FAM153A: variants seen among roughly 807,000 people sequenced by gnomAD.
The protein encoded by FAM153A is family with sequence similarity 153 member A, also known as protein FAM153A.
A neutral mutation model predicts 48.1 loss-of-function variants in FAM153A; 12 were observed. The observed-to-expected ratio is 0.25, with a 90% CI of 0.16 to 0.40. The LOEUF is 0.40. FAM153A is among the 10% of genes least tolerant of loss of function. FAM153A has a pLI of 1.00. For missense variants in FAM153A, 111 were observed against 345.8 expected, an observed-to-expected ratio of 0.32 and a Z score of 5.38; for synonymous variants, 36 against 118.2, an observed-to-expected ratio of 0.30 and a Z score of 4.51.
the FAM153A span, among the ~76,000 whole-genome samples, chr5:177,696,340 G>A: frequency 6.6e-5 from 10 of 150,830 alleles, no homozygotes; most frequent in Admixed American, 2.0e-4. Flanking sequence ...TCCCAGATGG[G>A]CGGCCGGGCA....
At chr5:177,706,093 T>G (rs191590629), downstream of FAM153A, among the ~76,000 whole-genome samples, 28 of 152,076 alleles carry the variant, frequency 1.8e-4, 1 homozygote, top group East Asian at 4.8e-3. Flanking sequence ...GTCAAAAGAC[T>G]TTTTTGTAGA....
At chr5:177,709,127 AAAAAAGAAAG>A (rs1758137986), downstream of FAM153A, among the ~76,000 whole-genome samples, 2 of 138,802 alleles carry the variant, frequency 1.4e-5, no homozygotes, top group African/African-American at 5.9e-5. Flanking sequence ...AAAAAAAAAA[AAAAAAGAAAG>A]AAAAGCCTAG....
At chr5:177,695,374 G>A in the FAM153A span, among the ~76,000 whole-genome samples, 1 of 148,960 alleles carries the variant, frequency 6.7e-6, no homozygotes, top group East Asian at 1.9e-4. Flanking sequence ...GTGAACAAAG[G>A]TCTCTGGTTT....
chr5:177,717,498 G>A (rs1233775227), downstream of FAM153A, among the ~76,000 whole-genome samples: 2 of 151,188 alleles, frequency 1.3e-5, no homozygotes, highest in Admixed American at 1.3e-4. Flanking sequence ...AAACCAGCTC[G>A]TGAAGGTTGC....
At chr5:177,754,334 C>T (rs1482248507), upstream of FAM153A, among the ~76,000 whole-genome samples, 1 of 151,532 alleles carries the variant, frequency 6.6e-6, no homozygotes. Context: ...AACAAAGTGG[C>T]TGGGAAGCTC....
intron 1 of FAM153A, among the ~76,000 whole-genome samples, chr5:177,760,201 G>A (rs185476373): frequency 0.01 from 1,439 of 137,682 alleles, 24 homozygotes; most frequent in Non-Finnish European, 0.018. Flanking sequence ...CCAGACCACA[G>A]ATTTATATCT....
At chr5:177,709,109 AAAAAAAAAAAAAAAAAAAAAAAAG>A (rs1481929776), downstream of FAM153A, among the ~76,000 whole-genome samples, 458 of 107,832 alleles carry the variant, frequency 4.2e-3, 10 homozygotes, top group African/African-American at 0.021. Flanking sequence ...AAAAAAAAAA[AAAAAAAAAAAAAAAAAAAAAAAAG>A]AAAGAAAAGC....
the FAM153A span, among the ~76,000 whole-genome samples, chr5:177,701,232 T>A: frequency 6.6e-6 from 1 of 151,974 alleles, no homozygotes; most frequent in Non-Finnish European, 1.5e-5. Flanking sequence ...GTACAGCCTG[T>A]AAAATCATGA....
intron 10 of FAM153A, among the ~76,000 whole-genome samples, chr5:177,738,641 A>G (rs188368165): frequency 6.6e-6 from 1 of 151,332 alleles, no homozygotes; most frequent in Admixed American, 6.6e-5. Flanking sequence ...CGCTTGGCAA[A>G]TTCATCTCTG....
In FAM153A at chr5:177,725,983, CAT is replaced by C. The variant is rs1226550752; in HGVS notation, c.965-1164_965-1163del. ...AGTGGAGGCCAAAACTGTGCTCAAT[CAT>C]GTGTTCTGCCCTCAGGACTCCAGGA... On this transcript the variant is annotated intron_variant, in intron 18 of 20. Coordinates refer to ENST00000614127, the Ensembl canonical transcript of FAM153A. 4.0e-5 allele frequency among the ~76,000 whole-genome samples: 6 copies of C among 149,562 alleles called. No individual in the cohort carries two copies. In the East Asian group the frequency reaches 7.9e-4, roughly 20 times the overall value.
chr5:177,781,951 G>A (rs1174029872), upstream of FAM153A, among the ~76,000 whole-genome samples: 1 of 83,680 alleles, frequency 1.2e-5, no homozygotes, highest in Non-Finnish European at 2.5e-5. Flanking sequence ...GGATGGTCTC[G>A]ATCTCTTGAC....
At chr5:177,701,599 TTACC>T in the FAM153A span, among the ~76,000 whole-genome samples, 1 of 151,228 alleles carries the variant, frequency 6.6e-6, no homozygotes, top group African/African-American at 2.4e-5. Context: ...ATAAATAAAA[TTACC>T]TACTCTGAGG....
chr5:177,761,387 G>A lies in FAM153A; in HGVS notation c.-56-12688C>T, dbSNP rs535849933. On this transcript the variant is annotated intron_variant, in intron 1 of 8. Transcript: ENST00000393518. ...AGTGGCCTGTGAATGACCTTGTGAG[G>A]GTCACCAGGCCCCCTCGGCTGCAGG... Among the ~76,000 whole-genome samples, 6 of 151,986 alleles carry A rather than the reference G, an allele frequency of 3.9e-5. No homozygotes were observed. In the South Asian group the frequency reaches 1.2e-3, roughly 32 times the overall value.
chr5:177,750,133 T>C (rs1766646199), intron 2 of FAM153A: 1 of 151,148 alleles, frequency 6.6e-6, no homozygotes, highest in African/African-American at 2.5e-5. Context: ...TAAAATAAGT[T>C]AGTTATACGT....
chr5:177,706,788 G>C (rs1366913016), downstream of FAM153A: 2 of 151,890 alleles, frequency 1.3e-5, no homozygotes, highest in African/African-American at 4.9e-5. Flanking sequence ...TGGATCTGAA[G>C]ATTCAAAGAG....
In FAM153A at chr5:177,715,085, A is replaced by C. The variant is rs1003774911; in HGVS notation, c.*1223-1169T>G. Among the ~76,000 whole-genome samples, 10 of 140,540 alleles carry C rather than the reference A, an allele frequency of 7.1e-5. 1 individual carries two copies. Among genetic ancestry groups the C allele is most frequent in the Admixed American group, 3.6e-4 (5 of 14,078 alleles). 92.2% of individuals were successfully genotyped at this position (140,540 alleles called of 152,430 possible). A position where few individuals can be genotyped will look rare whatever the true frequency, so the allele number is the denominator to read the frequency against. ...TAACACAGCTAAAGGATGTCAACAA[A>C]ACTGTTCTTCCCAACCTCAAATTGA... On this transcript the variant is annotated intron_variant and NMD_transcript_variant, in intron 25 of 26. Transcript: ENST00000360669.
chr5:177,728,435 A>G (rs1003621526), intron 18 of FAM153A, among the ~76,000 whole-genome samples: 1 of 148,950 alleles, frequency 6.7e-6, no homozygotes, highest in Non-Finnish European at 1.5e-5. Context: ...ATCATTCCAT[A>G]TAGACTCTCT....
In FAM153A at chr5:177,771,739, G is replaced by A. The variant is rs1220109893; in HGVS notation, c.-57+8710C>T. On this transcript the variant is annotated intron_variant, in intron 1 of 8. Coordinates refer to the FAM153A transcript ENST00000393518. ...AGCAGCTGCTTTCCTTCTGAAGGTC[G>A]GAATGTGGGTACATGTGAGGGAGAG... Among the ~76,000 whole-genome samples, 8 of 96,852 alleles carry A rather than the reference G, an allele frequency of 8.3e-5. 3 individuals are homozygous for A. Among genetic ancestry groups the A allele is most frequent in the African/African-American group, 2.5e-4 (6 of 24,324 alleles). The allele number at this position is 96,852 out of a possible 152,430, so 63.5% of individuals were successfully genotyped here.
At chr5:177,716,512 T>C (rs1041014415) in intron 24 of FAM153A, 1 of 151,834 alleles carries the variant, frequency 6.6e-6, no homozygotes, top group Non-Finnish European at 1.5e-5. Context: ...TGTCTGCTTA[T>C]GAGCTGCACC....
Sources: allele counts gnomAD v4.1 joint callset (sites outside exome capture counted in the v4.1 genomes callset), GRCh38; gene constraint gnomAD v4.1.1; transcripts MANE v1.5; gene names NCBI Gene and HGNC (gene_info 2026-07-23, HGNC 2026-07-21).